The following FAM193A variants were observed in gnomAD, a reference collection of about 807,000 sequenced individuals.
FAM193A encodes the protein protein FAM193A.
A neutral mutation model predicts 126.5 loss-of-function variants in FAM193A; 22 were observed. That is an observed-to-expected ratio of 0.17 (90% CI 0.12 to 0.25). The LOEUF (loss-of-function observed/expected upper bound fraction) is 0.25, where lower values mean the gene tolerates loss of function less well. Ranked by LOEUF, FAM193A falls within the 10% of genes least tolerant of loss-of-function variation. The probability of loss-of-function intolerance (pLI) is 1.00; values close to 1 mark genes in which losing one functional copy is unlikely to be tolerated. For synonymous variants in FAM193A, 761 were observed against 646.8 expected (o/e 1.18, Z -2.68); for missense variants, 1,675 against 1,672.8 (o/e 1.00, Z -0.02).
chr4:2,579,970 CAT>C (rs1341367621), intron 1 of FAM193A, among the ~76,000 whole-genome samples: 2 of 152,120 alleles, frequency 1.3e-5, no homozygotes, highest in Non-Finnish European at 2.9e-5. Flanking sequence ...TACAAAGACA[CAT>C]GCATGCGTGT....
intron 5 of FAM193A, among the ~76,000 whole-genome samples, chr4:2,639,429 A>G (rs1019804033): frequency 2.0e-5 from 3 of 152,170 alleles, no homozygotes; most frequent in Non-Finnish European, 4.4e-5. Context: ...ATGACTCTCA[A>G]ACGTGCAGTT....
At chr4:2,628,206 T>G (rs551084343) in intron 4 of FAM193A, among the ~76,000 whole-genome samples, 2 of 152,324 alleles carry the variant, frequency 1.3e-5, no homozygotes, top group Non-Finnish European at 2.9e-5. Context: ...AACTGATGTT[T>G]GCTGTGCAGT....
intron 20 of FAM193A, among the ~76,000 whole-genome samples, chr4:2,731,551 C>G (rs1409729153): frequency 6.6e-6 from 1 of 152,026 alleles, no homozygotes; most frequent in Non-Finnish European, 1.5e-5. Flanking sequence ...TCTCAGGACT[C>G]CTTCCGCCCA....
At chr4:2,595,329 G>A (rs993538788) in intron 1 of FAM193A, among the ~76,000 whole-genome samples, 4 of 152,216 alleles carry the variant, frequency 2.6e-5, no homozygotes, top group Admixed American at 6.5e-5. Flanking sequence ...GATCACAGGC[G>A]TAAGCCACTG....
At chr4:2,584,100 A>G (rs543771512) in intron 1 of FAM193A, among the ~76,000 whole-genome samples, 2 of 152,128 alleles carry the variant, frequency 1.3e-5, no homozygotes, top group Non-Finnish European at 2.9e-5. Context: ...GCTGTTATAT[A>G]TAGGTCTGTG....
At chr4:2,549,395 C>CTTTTTT (rs869161808) in intron 1 of FAM193A, among the ~76,000 whole-genome samples, 17 of 122,644 alleles carry the variant, frequency 1.4e-4, no homozygotes, top group East Asian at 6.6e-4. Context: ...TTCTTTTTTT[C>CTTTTTT]TTTTTTTTTT....
At chr4:2,668,967 T>C (rs1242363984) in intron 12 of FAM193A, among the ~76,000 whole-genome samples, 1 of 152,078 alleles carries the variant, frequency 6.6e-6, no homozygotes, top group Non-Finnish European at 1.5e-5. Context: ...CTCAGCCACC[T>C]GAGTAGCTGG....
chr4:2,689,818 C>T (rs1716154549), intron 14 of FAM193A, 114 bp downstream of exon 14: 1 of 691,930 alleles, frequency 1.4e-6, no homozygotes, highest in East Asian at 3.1e-5. Flanking sequence ...TGCTGCTCCA[C>T]CACCTCTGTC....
chr4:2,694,876 A>C, intron 16 of FAM193A, 70 bp from the exon 17 acceptor site: 4 of 1,341,184 alleles, frequency 3.0e-6, no homozygotes, highest in Middle Eastern at 2.5e-4. Context: ...GTGGGTGGTC[A>C]TGTGCAACAA....
At chr4:2,709,753 A>G (rs1032220187) in intron 19 of FAM193A, among the ~76,000 whole-genome samples, 2 of 151,774 alleles carry the variant, frequency 1.3e-5, no homozygotes, top group African/African-American at 4.9e-5. Context: ...CTTGTTTTTT[A>G]CATTTTCAGT....
At chr4:2,596,355 G>A (rs1022200845) in intron 2 of FAM193A, 26 bp downstream of exon 2, 10 of 695,556 alleles carry the variant, frequency 1.4e-5, no homozygotes, top group Admixed American at 1.4e-4. Context: ...CACAGGCAGC[G>A]CAGGGCGTTG....
At chr4:2,705,963 TG>T (rs777234624) in intron 19 of FAM193A, among the ~76,000 whole-genome samples, 2 of 152,150 alleles carry the variant, frequency 1.3e-5, no homozygotes, top group Non-Finnish European at 2.9e-5. Context: ...CCCAGCACTT[TG>T]GGAGGCCAAA....
chr4:2,540,892 C>T (rs1304790901), intron 1 of FAM193A, among the ~76,000 whole-genome samples: 4 of 149,118 alleles, frequency 2.7e-5, no homozygotes, highest in East Asian at 2.0e-4. Context: ...ACCTGGGAGA[C>T]GGAGGTTGCA....
intron 1 of FAM193A, among the ~76,000 whole-genome samples, chr4:2,553,351 A>C (rs1031870106): frequency 6.6e-6 from 1 of 150,802 alleles, no homozygotes; most frequent in Non-Finnish European, 1.5e-5. Flanking sequence ...CTCTAAAATA[A>C]TTAAGTAAAG....
At chr4:2,552,426 T>G (rs1261455830) in intron 1 of FAM193A, among the ~76,000 whole-genome samples, 1 of 151,894 alleles carries the variant, frequency 6.6e-6, no homozygotes, top group Non-Finnish European at 1.5e-5. Context: ...GCTGGGATTA[T>G]AGGCGTGAGC....
intron 7 of FAM193A, among the ~76,000 whole-genome samples, chr4:2,649,975 G>C (rs1435351324): frequency 6.6e-6 from 1 of 152,164 alleles, no homozygotes; most frequent in Non-Finnish European, 1.5e-5. Context: ...ATTGTGAACT[G>C]CGTGTGCAAG....
At chr4:2,576,832 C>A (rs1166061175) in intron 1 of FAM193A, among the ~76,000 whole-genome samples, 1 of 152,200 alleles carries the variant, frequency 6.6e-6, no homozygotes, top group Non-Finnish European at 1.5e-5. Context: ...TGGTAATAGG[C>A]ACAGAAAGGC....
intron 1 of FAM193A, among the ~76,000 whole-genome samples, chr4:2,577,278 G>A (rs994465948): frequency 6.6e-6 from 1 of 152,108 alleles, no homozygotes; most frequent in Non-Finnish European, 1.5e-5. Flanking sequence ...CACATTGTTA[G>A]TGCTTGGGAC....
chr4:2,618,596 T>C (rs1277317103), intron 2 of FAM193A, among the ~76,000 whole-genome samples: 1 of 146,630 alleles, frequency 6.8e-6, no homozygotes, highest in Non-Finnish European at 1.5e-5. Flanking sequence ...CCCGGCTTTT[T>C]TTTTTTTTTT....
Sources: allele counts gnomAD v4.1 joint callset (sites outside exome capture counted in the v4.1 genomes callset), GRCh38; gene constraint gnomAD v4.1.1; transcripts MANE v1.5; gene names NCBI Gene and HGNC (gene_info 2026-07-23, HGNC 2026-07-21).